The following PRC1 variants were observed in gnomAD, a reference collection of about 807,000 sequenced individuals.
The protein encoded by PRC1 is anaphase spindle elongation 1 homolog.
In PRC1, 54 loss-of-function variants were observed where a neutral mutation model predicts 91.2. The ratio of observed to expected loss-of-function variants is 0.59; its 90% CI spans 0.48 to 0.74. The LOEUF (loss-of-function observed/expected upper bound fraction) is 0.74. Ranked by LOEUF, PRC1 falls within the 30% of genes least tolerant of loss-of-function variation. The pLI, the probability that PRC1 is intolerant of heterozygous loss-of-function variation, is 0.00. For missense variants in PRC1, 727 were observed against 746.2 expected, an observed-to-expected ratio of 0.97 and a Z score of 0.30; for synonymous variants, 275 against 263.6, an observed-to-expected ratio of 1.04 and a Z score of -0.42.
At chr15:90,970,799 C>T (rs565449328) in intron 11 of PRC1, among the ~76,000 whole-genome samples, 196 of 152,306 alleles carry the variant, frequency 1.3e-3, no homozygotes, top group Middle Eastern at 3.4e-3. Context: ...GATGTTTCTA[C>T]CCAAACGAAA....
chr15:90,968,194 G>A (rs2037701508), intron 14 of PRC1: 2 of 985,296 alleles, frequency 2.0e-6, no homozygotes, highest in South Asian at 9.4e-5. Context: ...GGTTGAACAA[G>A]CGAAAAAGAG....
In PRC1 at chr15:90,984,965, T is replaced by C. The variant is rs2039477085; in HGVS notation, c.12-140A>G. The C allele has an allele frequency of 3.7e-6, 4 of 1,069,764 alleles. No individual in the cohort carries two copies. The Admixed American group carries it at 1.1e-4, about 29-fold the overall frequency. The allele number at this position is 1,069,764 out of a possible 1,614,324, so 66.3% of individuals were successfully genotyped here. ...ATTGAAAACAAGCATTCAGCTTAAT[T>C]CACCTTTAACCACTCCCCATCCCTT... On this transcript the variant is annotated intron_variant, in intron 1 of 14. Transcript: ENST00000394249. The surrounding 1 kb of genome is among the most constrained non-coding windows in gnomAD (Gnocchi z 5.1).
intron 9 of PRC1, among the ~76,000 whole-genome samples, chr15:90,975,997 A>G (rs2038655322): frequency 1.3e-5 from 2 of 152,184 alleles, no homozygotes; most frequent in African/African-American, 4.8e-5. Context: ...AACTCTGCCA[A>G]CGACATGTTG....
chr15:90,970,575 C>G (rs2038033898), intron 11 of PRC1, 61 bp from the exon 12 acceptor site: 1 of 1,204,626 alleles, frequency 8.3e-7, no homozygotes, highest in South Asian at 1.3e-5. Flanking sequence ...TTCTAGCAAC[C>G]TGTCTACCCT....
rs928804350 is a variant in PRC1 at position 90,966,744 on chromosome 15, A to T, written c.*387T>A. The T allele has an allele frequency of 6.7e-6, 3 of 447,094 alleles. No individual in the cohort carries two copies. The highest frequency in any genetic ancestry group is 6.0e-5 in the African/African-American group (3 of 50,248). 27.7% of individuals were successfully genotyped at this position (447,094 alleles called of 1,614,324 possible). On this transcript the variant is annotated 3_prime_UTR_variant, in exon 15 of 15. Transcript: ENST00000394249. The stretch of plus-strand genomic sequence containing the variant: ...TGCCTAAACAAAAAAGATGTTAATT[A>T]CTAGTTACAGGTATACATGCCAAAA...
chr15:90,966,352 G>A lies in PRC1; in HGVS notation c.*779C>T, dbSNP rs932246826. On this transcript the variant is annotated 3_prime_UTR_variant, in exon 15 of 15. Coordinates refer to ENST00000394249, the MANE Select transcript of PRC1 (RefSeq NM_003981.4). The stretch of plus-strand genomic sequence containing the variant: ...GTTCCAGATCTCCACGACAAAGACA[G>A]CTCAACCCATTGGAACAAACAGACT... 6.3e-6 allele frequency: 2 copies of A among 317,468 alleles called. No individual in the cohort carries two copies. Among genetic ancestry groups the A allele is most frequent in the East Asian group, 8.6e-5 (1 of 11,572 alleles). 19.7% of individuals were successfully genotyped at this position (317,468 alleles called of 1,614,324 possible).
intron 11 of PRC1, among the ~76,000 whole-genome samples, chr15:90,971,470 G>A (rs1056135991): frequency 2.0e-5 from 3 of 152,038 alleles, no homozygotes; most frequent in African/African-American, 7.2e-5. Flanking sequence ...ATTTGTAGTA[G>A]AGATGGGGCT....
chr15:90,985,367 A>G (rs1596322395), intron 1 of PRC1, among the ~76,000 whole-genome samples: 1 of 151,486 alleles, frequency 6.6e-6, no homozygotes, highest in African/African-American at 2.4e-5. Context: ...AGTAGGTGGG[A>G]CTATAGGCAG....
At chr15:90,970,661 C>CCTG in intron 11 of PRC1, 147 bp from the exon 12 acceptor site, 1 of 596,472 alleles carries the variant, frequency 1.7e-6, no homozygotes, top group Non-Finnish European at 3.0e-6. Flanking sequence ...GTGTCTAATA[C>CCTG]TGCATAGATT....
In PRC1 at chr15:90,981,527, A is replaced by G. The variant is rs756910395; in HGVS notation, c.644T>C (p.Ile215Thr). The change falls in exon 5 of 15, where the codon ATT becomes ACT. Residue 215 changes from isoleucine to threonine, a missense_variant. Physicochemically the swap from Ile to Thr is moderately conservative, Grantham distance 89. Coordinates refer to ENST00000394249, the MANE Select transcript of PRC1 (RefSeq NM_003981.4). ...EDAFCLSLEN[I>T]ATLQKLLRQL... is the part of the protein sequence containing the mutation. The stretch of plus-strand genomic sequence containing the variant: ...CCGTAGCAACTTTTGTAGTGTTGCA[A>G]TATTCTCCAAAGACAAACAAAAGGC... The G allele has an allele frequency of 1.1e-5, 18 of 1,613,878 alleles. No individual in the cohort carries two copies. The highest frequency in any genetic ancestry group is 2.2e-5 in the South Asian group (2 of 91,086).
chr15:90,979,948 C>T (rs2039048245), intron 7 of PRC1, among the ~76,000 whole-genome samples: 1 of 152,188 alleles, frequency 6.6e-6, no homozygotes, highest in Admixed American at 6.5e-5. Context: ...CCAATATTTC[C>T]CAATAAAATT....
chr15:90,991,089 T>C (rs1345151608), intron 1 of PRC1, among the ~76,000 whole-genome samples: 1 of 151,292 alleles, frequency 6.6e-6, no homozygotes, highest in East Asian at 2.0e-4. Flanking sequence ...TAATCTGAAA[T>C]GTTTTTGATT....
rs2038736387 is a variant in PRC1, at chr15:90,976,764, G to A, written c.1115C>T (p.Ala372Val). The A allele has an allele frequency of 1.2e-6, 2 of 1,610,668 alleles. No homozygotes were observed. The highest frequency in any genetic ancestry group is 1.7e-6 in the Non-Finnish European group (2 of 1,177,508). The change falls in exon 9 of 15, where the codon GCT (alanine) becomes GTT (valine). Residue 372 changes from alanine (A) to valine (V), a missense_variant. Transcript: ENST00000394249. ...GTTTGTAAATCGATTTGGATCTGAA[G>A]CTTTTCTCTGTGAAAAATACATTTT... ...WRLFLEFERK[A>V]SDPNRFTNRG... is the part of the protein sequence containing the mutation.
chr15:90,986,792 G>A (rs1308223835), intron 1 of PRC1, among the ~76,000 whole-genome samples: 2 of 151,710 alleles, frequency 1.3e-5, no homozygotes, highest in African/African-American at 4.8e-5. Flanking sequence ...TACCTGTAAA[G>A]CGAGTCTGTT....
At chr15:90,988,519 G>A (rs1355987848) in intron 1 of PRC1, 2 of 152,232 alleles carry the variant, frequency 1.3e-5, no homozygotes, top group Admixed American at 6.5e-5. Context: ...CTCTCTCCGA[G>A]TCTGTCTGCT....
At chr15:90,994,107 C>T (rs1459712851) in intron 1 of PRC1, among the ~76,000 whole-genome samples, 3 of 152,062 alleles carry the variant, frequency 2.0e-5, no homozygotes, top group African/African-American at 7.2e-5. Flanking sequence ...CGCCCCGGGC[C>T]CCGGGCCTCG....
At position 90,979,366 on chromosome 15, in the gene PRC1, T is replaced by C. The variant is rs992957763; in HGVS notation, c.971-72A>G. ...AGTATCCAATTTTACGAATCCCCGATTCCCTAAAATGGAAATAGATTCTTT... is the reference window on the plus strand; with the variant it reads ...AGTATCCAATTTTACGAATCCCCGACTCCCTAAAATGGAAATAGATTCTTT... On this transcript the variant is annotated intron_variant, in intron 7 of 14. Coordinates refer to ENST00000394249, the MANE Select transcript of PRC1 (RefSeq NM_003981.4). 6.7e-6 allele frequency: 10 copies of C among 1,484,926 alleles called. No individual in the cohort carries two copies. The African/African-American group carries it at 9.8e-5, about 15-fold the overall frequency. 92.0% of individuals were successfully genotyped at this position (1,484,926 alleles called of 1,614,324 possible). A position where few individuals can be genotyped will look rare whatever the true frequency, so the allele number is the denominator to read the frequency against.
At chr15:90,968,782 G>A (rs1596270553) in intron 14 of PRC1, 4 of 1,208,502 alleles carry the variant, frequency 3.3e-6, no homozygotes, top group Admixed American at 3.6e-5. Context: ...ATTCTTTCCA[G>A]CTATTGCAGG....
chr15:90,967,814 CCT>C, intron 14 of PRC1: 1 of 980,038 alleles, frequency 1.0e-6, no homozygotes, highest in African/African-American at 1.7e-5. Context: ...AGAACATATC[CCT>C]GTCATTAAGC....
Sources: allele counts gnomAD v4.1 joint callset (sites outside exome capture counted in the v4.1 genomes callset), GRCh38; gene constraint gnomAD v4.1.1; non-coding constraint Gnocchi (gnomAD v3.1); transcripts MANE v1.5; gene names NCBI Gene and HGNC (gene_info 2026-07-23, HGNC 2026-07-21).